HACE1: variants seen among roughly 807,000 people sequenced by gnomAD.
The protein encoded by HACE1 is E3 ubiquitin-protein ligase HACE1.
A neutral mutation model predicts 118.4 loss-of-function variants in HACE1; 73 were observed. The ratio of observed to expected loss-of-function variants is 0.62; its 90% CI spans 0.51 to 0.75. The LOEUF is 0.75. Ranked by LOEUF, HACE1 falls within the 30% of genes least tolerant of loss-of-function variation. The probability of loss-of-function intolerance (pLI) is 0.00; values close to 1 mark genes in which losing one functional copy is unlikely to be tolerated. For synonymous variants in HACE1, 368 were observed against 374.8 expected, an observed-to-expected ratio of 0.98 and a Z score of 0.21; for missense variants, 749 against 1,102.2, an observed-to-expected ratio of 0.68 and a Z score of 4.54.
Position 104,848,194 on chromosome 6 carries a change from G to A in HACE1, c.326+948C>T, listed in dbSNP as rs62419566. Among the ~76,000 whole-genome samples the A allele has an allele frequency of 3.5e-3, 529 of 151,162 alleles. 1 individual carries two copies. The highest frequency in any genetic ancestry group is 0.027 in the Middle Eastern group (8 of 294). On this transcript the variant is annotated intron_variant, in intron 4 of 23. Transcript: ENST00000262903. ...GTTTAGGCCGGGTGCGGTGGCTCAC[G>A]CCTGTAATCCCAGCACTTTGGGAGG...
intron 5 of HACE1, among the ~76,000 whole-genome samples, chr6:104,837,069 C>T (rs1035839094): frequency 4.6e-5 from 7 of 152,268 alleles, no homozygotes; most frequent in African/African-American, 1.7e-4. Flanking sequence ...GATAACAATT[C>T]TCCCCAAATT....
At chr6:104,802,457 A>C (rs1396770867) in intron 7 of HACE1, among the ~76,000 whole-genome samples, 1 of 152,242 alleles carries the variant, frequency 6.6e-6, no homozygotes, top group Non-Finnish European at 1.5e-5. Flanking sequence ...AATTGACCAC[A>C]TAATTCGAAG....
At chr6:104,802,891 C>CA (rs1562405822) in intron 7 of HACE1, among the ~76,000 whole-genome samples, 1 of 152,046 alleles carries the variant, frequency 6.6e-6, no homozygotes, top group East Asian at 1.9e-4. Context: ...AATAGAGACA[C>CA]AAAAAACCCT....
At chr6:104,731,019 A>G (rs1001341361) in intron 22 of HACE1, 2 of 157,830 alleles carry the variant, frequency 1.3e-5, no homozygotes, top group Non-Finnish European at 2.8e-5. Context: ...ACATCATCTA[A>G]CATAATGAGG....
intron 7 of HACE1, among the ~76,000 whole-genome samples, chr6:104,799,498 A>C (rs771191918): frequency 6.6e-6 from 1 of 152,178 alleles, no homozygotes; most frequent in Non-Finnish European, 1.5e-5. Flanking sequence ...ATTGTTTTTC[A>C]TTTAAATAAA....
chr6:104,804,071 C>A (rs1770711182), intron 7 of HACE1, among the ~76,000 whole-genome samples: 1 of 152,104 alleles, frequency 6.6e-6, no homozygotes, highest in Admixed American at 6.6e-5. Flanking sequence ...ACACCAATAA[C>A]AGACAAACAG....
rs777656023 is a variant in HACE1 at position 104,791,652 on chromosome 6, A to G, written c.926T>C (p.Leu309Pro). The G allele has an allele frequency of 6.3e-7, 1 of 1,598,842 alleles. No individual in the cohort carries two copies. The highest frequency in any genetic ancestry group is 1.1e-5 in the South Asian group (1 of 90,600). The change falls in exon 11 of 24, where the codon CTC becomes CCC. Residue 309 changes from leucine to proline, a missense_variant and splice_region_variant. By Grantham distance (98) the Leu-to-Pro change is moderately conservative. Coordinates refer to ENST00000262903, the MANE Select transcript of HACE1 (RefSeq NM_020771.4). ...CATTTGAGCATCATAATTGCTAGAGAGGCTGAAAATAAAAATTAAAATATG... is the reference window on the plus strand; with the variant it reads ...CATTTGAGCATCATAATTGCTAGAGGGGCTGAAAATAAAAATTAAAATATG... ...ATTNGHKLLS[L>P]SSNYDAQMKS...
Position 104,750,467 on chromosome 6 carries a change from C to T in HACE1, c.2217G>A (p.Glu739=), listed in dbSNP as rs1777920760. The T allele has an allele frequency of 2.5e-6, 4 of 1,613,248 alleles. No homozygotes were observed. Among genetic ancestry groups the T allele is most frequent in the African/African-American group, 1.3e-5 (1 of 74,878 alleles). The change falls in exon 20 of 24, where the codon GAG becomes GAA. Residue 739 remains glutamate, a synonymous_variant. Transcript: ENST00000262903. ...GAAGTTCAGTAACAAGCTGGACGTACTCCGCCTGTTGAAAAAGAAGTTTTC... is the reference window on the plus strand; with the variant it reads ...GAAGTTCAGTAACAAGCTGGACGTATTCCGCCTGTTGAAAAAGAAGTTTTC... The part of the protein sequence containing the change: ...SILVTQNNKA[E]YVQLVTELRM...
At chr6:104,803,974 C>A (rs1464958611) in intron 7 of HACE1, among the ~76,000 whole-genome samples, 1 of 152,214 alleles carries the variant, frequency 6.6e-6, no homozygotes, top group African/African-American at 2.4e-5. Flanking sequence ...CACATCGTCT[C>A]AGCCCAAAAT....
chr6:104,836,217 C>A (rs1405724420), intron 5 of HACE1, among the ~76,000 whole-genome samples: 3 of 152,062 alleles, frequency 2.0e-5, no homozygotes, highest in African/African-American at 4.8e-5. Flanking sequence ...ACCAATCCAG[C>A]CAAGAGAGCA....
At chr6:104,852,247 G>A (rs913053980) in intron 2 of HACE1, 70 bp downstream of exon 2, 44 of 862,810 alleles carry the variant, frequency 5.1e-5, no homozygotes, top group African/African-American at 2.0e-4. Flanking sequence ...GCGCGTGCAC[G>A]GGCATGCAGT....
At chr6:104,797,668 T>A (rs1306039894) in intron 7 of HACE1, among the ~76,000 whole-genome samples, 1 of 152,140 alleles carries the variant, frequency 6.6e-6, no homozygotes, top group African/African-American at 2.4e-5. Flanking sequence ...TGCCCTAGAA[T>A]GAACTCTCCT....
chr6:104,757,948 T>A (rs1259026185), intron 19 of HACE1, among the ~76,000 whole-genome samples: 4 of 152,024 alleles, frequency 2.6e-5, no homozygotes, highest in Non-Finnish European at 5.9e-5. Context: ...AGGATGTCAA[T>A]GACTGAAGAT....
chr6:104,783,027 C>A (rs772451256), intron 14 of HACE1, among the ~76,000 whole-genome samples: 1 of 152,152 alleles, frequency 6.6e-6, no homozygotes, highest in Non-Finnish European at 1.5e-5. Flanking sequence ...GAAATCAAGG[C>A]TCATCATTGG....
intron 7 of HACE1, among the ~76,000 whole-genome samples, chr6:104,800,205 A>G (rs1443349990): frequency 1.3e-5 from 2 of 152,132 alleles, no homozygotes; most frequent in African/African-American, 4.8e-5. Flanking sequence ...AAACAAAGCG[A>G]CAGGGAAGCT....
At chr6:104,762,989 CAA>C (rs56232124) in intron 19 of HACE1, among the ~76,000 whole-genome samples, 7 of 32,268 alleles carry the variant, frequency 2.2e-4, no homozygotes, top group African/African-American at 8.7e-4. Flanking sequence ...GACTCCATCT[CAA>C]AAAAAAAAAA....
intron 5 of HACE1, among the ~76,000 whole-genome samples, chr6:104,838,330 A>C (rs997191673): frequency 7.9e-5 from 12 of 152,318 alleles, no homozygotes; most frequent in African/African-American, 2.4e-4. Flanking sequence ...ATAGTAACCA[A>C]AACAGCATGT....
chr6:104,733,050 T>C (rs192865693), intron 22 of HACE1, among the ~76,000 whole-genome samples: 69 of 152,340 alleles, frequency 4.5e-4, no homozygotes, highest in African/African-American at 1.7e-3. Flanking sequence ...AATTTATAGA[T>C]TTAACTTTTG....
At chr6:104,735,792 C>G (rs1775766268) in intron 22 of HACE1, among the ~76,000 whole-genome samples, 1 of 151,894 alleles carries the variant, frequency 6.6e-6, no homozygotes, top group Non-Finnish European at 1.5e-5. Context: ...AAGAATTTAT[C>G]CTCTATAATC....
Sources: gnomAD v4.1 joint callset for allele counts (sites outside exome capture counted in the v4.1 genomes callset) on GRCh38, gnomAD v4.1.1 for gene constraint, MANE v1.5 for transcripts, NCBI Gene and HGNC (gene_info 2026-07-23, HGNC 2026-07-21) for gene names.